The following VSNL1 variants were observed in gnomAD, a reference collection of about 807,000 sequenced individuals.
VSNL1 encodes visinin-like protein 1.
In VSNL1, 6 loss-of-function variants were observed where a neutral mutation model predicts 20.4. That is an observed-to-expected ratio of 0.29 (90% CI 0.16 to 0.58). The LOEUF (loss-of-function observed/expected upper bound fraction) is 0.58. Among genes scored for constraint, VSNL1 ranks in the 20% least tolerant of loss-of-function variants. VSNL1 has a pLI of 0.90. For synonymous variants in VSNL1, 93 were observed against 86.4 expected, an observed-to-expected ratio of 1.08 and a Z score of -0.42; for missense variants, 100 against 234.5, an observed-to-expected ratio of 0.43 and a Z score of 3.75.
rs190868613 is a variant in VSNL1, at chr2:17,642,554, C to T, written c.163-6856C>T. Reference sequence around the variant, plus strand: ...CGATCTCTTGACCTTGTGATCTGCCCGCCTCAGCCTCCCAAAGTGCTGGGA... The same window carrying T: ...CGATCTCTTGACCTTGTGATCTGCCTGCCTCAGCCTCCCAAAGTGCTGGGA... On this transcript the variant is annotated intron_variant, in intron 2 of 3. Transcript: ENST00000295156. Among the ~76,000 whole-genome samples, 137 of 152,138 alleles carry T rather than the reference C, an allele frequency of 9.0e-4. 3 individuals carry two copies. In the East Asian group the frequency reaches 0.024, roughly 26 times the overall value.
At chr2:17,615,462 A>G (rs1451478522) in intron 2 of VSNL1, among the ~76,000 whole-genome samples, 1 of 152,230 alleles carries the variant, frequency 6.6e-6, no homozygotes, top group Non-Finnish European at 1.5e-5. Context: ...TGTAAAACTA[A>G]ATTCTAAAGA....
intron 1 of VSNL1, among the ~76,000 whole-genome samples, chr2:17,566,869 T>TG (rs1663958985): frequency 6.6e-6 from 1 of 152,190 alleles, no homozygotes; most frequent in African/African-American, 2.4e-5. Context: ...ACAGTTTTAT[T>TG]GAATATATTT....
chr2:17,597,995 C>T (rs552475867), intron 2 of VSNL1, among the ~76,000 whole-genome samples: 1 of 152,058 alleles, frequency 6.6e-6, no homozygotes, highest in Non-Finnish European at 1.5e-5. Flanking sequence ...GATACAACTA[C>T]CCAGGAATAT....
chr2:17,575,159 C>CT (rs1464906738), intron 1 of VSNL1, among the ~76,000 whole-genome samples: 7 of 152,134 alleles, frequency 4.6e-5, no homozygotes, highest in African/African-American at 1.7e-4. Flanking sequence ...TGGCCAAGAG[C>CT]TGAACCTCTT....
chr2:17,599,625 T>C (rs1372649556), intron 2 of VSNL1, among the ~76,000 whole-genome samples: 2 of 152,226 alleles, frequency 1.3e-5, no homozygotes, highest in East Asian at 3.9e-4. Context: ...CTCTCTCTCT[T>C]GTCTTCTTTA....
chr2:17,625,034 G>C (rs1187321628), intron 2 of VSNL1, among the ~76,000 whole-genome samples: 1 of 152,116 alleles, frequency 6.6e-6, no homozygotes, highest in Non-Finnish European at 1.5e-5. Flanking sequence ...CTGAATCATG[G>C]GGGCAGTCTC....
intron 2 of VSNL1, among the ~76,000 whole-genome samples, chr2:17,599,017 T>G (rs1664772008): frequency 6.6e-6 from 1 of 152,242 alleles, no homozygotes; most frequent in African/African-American, 2.4e-5. Context: ...TCCAGTGGGA[T>G]AAAACGCAGC....
At chr2:17,626,469 G>C (rs539800337) in intron 2 of VSNL1, among the ~76,000 whole-genome samples, 10 of 152,144 alleles carry the variant, frequency 6.6e-5, no homozygotes, top group African/African-American at 1.4e-4. Flanking sequence ...AGTCCTAAGC[G>C]ACAGCCAGTC....
Position 17,649,636 on chromosome 2 carries a change from G to C in VSNL1, c.378+11G>C. The C allele has an allele frequency of 6.2e-7, 1 of 1,613,708 alleles. No individual in the cohort carries two copies. The highest frequency in any genetic ancestry group is 8.5e-7 in the Non-Finnish European group (1 of 1,179,870). ...CTGGAGATCATCGAGGTGAGGCCCGGGGTGTGGTTGGCGGGTGGTGGGCAC... is the reference window on the plus strand; with the variant it reads ...CTGGAGATCATCGAGGTGAGGCCCGCGGTGTGGTTGGCGGGTGGTGGGCAC... On this transcript the variant is annotated intron_variant, in intron 3 of 3. Coordinates refer to ENST00000295156, the MANE Select transcript of VSNL1 (RefSeq NM_003385.5). This position sits in a 1 kb window ranked among gnomAD's most constrained non-coding sequence, Gnocchi z 6.4.
chr2:17,547,133 T>C (rs1338858303), intron 1 of VSNL1, among the ~76,000 whole-genome samples: 13 of 152,004 alleles, frequency 8.6e-5, no homozygotes, highest in Admixed American at 7.9e-4. Context: ...TATAAAGTTC[T>C]TCAGCTAGGT....
intron 2 of VSNL1, among the ~76,000 whole-genome samples, chr2:17,626,338 C>T (rs1665508459): frequency 6.6e-6 from 1 of 152,184 alleles, no homozygotes; most frequent in Admixed American, 6.5e-5. Flanking sequence ...GGGCCTGAGC[C>T]AACTACAGGC....
chr2:17,638,783 G>A (rs1221037396), intron 2 of VSNL1, among the ~76,000 whole-genome samples: 3 of 152,200 alleles, frequency 2.0e-5, no homozygotes, highest in Admixed American at 1.3e-4. Flanking sequence ...CAAGAATCAG[G>A]TCACATTAGC....
chr2:17,571,495 G>T (rs1034261722), intron 1 of VSNL1, among the ~76,000 whole-genome samples: 1 of 152,068 alleles, frequency 6.6e-6, no homozygotes, highest in Non-Finnish European at 1.5e-5. Context: ...ATTAATATAT[G>T]AAATGAACAC....
At chr2:17,643,831 C>CACACAGCATG (rs1558310460) in intron 2 of VSNL1, among the ~76,000 whole-genome samples, 2 of 152,142 alleles carry the variant, frequency 1.3e-5, no homozygotes, top group African/African-American at 4.8e-5. Flanking sequence ...AGCAGCAGCA[C>CACACAGCATG]GGCAATGGTC....
chr2:17,588,182 C>T (rs1055681695), intron 1 of VSNL1, among the ~76,000 whole-genome samples: 5 of 152,174 alleles, frequency 3.3e-5, no homozygotes, highest in Admixed American at 1.3e-4. Flanking sequence ...CTCCCTTCTT[C>T]GGTAATAAAC....
intron 2 of VSNL1, among the ~76,000 whole-genome samples, chr2:17,614,317 G>A (rs1665163829): frequency 6.6e-6 from 1 of 152,270 alleles, no homozygotes; most frequent in South Asian, 2.1e-4. Context: ...ACAATGTTCA[G>A]CAAATTACAC....
intron 1 of VSNL1, among the ~76,000 whole-genome samples, chr2:17,570,444 A>G (rs1171128734): frequency 1.3e-5 from 2 of 152,206 alleles, no homozygotes; most frequent in Non-Finnish European, 2.9e-5. Context: ...AAATTTAAAT[A>G]TTAAATCTAT....
chr2:17,585,695 TC>T (rs1449013687), intron 1 of VSNL1, among the ~76,000 whole-genome samples: 1 of 152,030 alleles, frequency 6.6e-6, no homozygotes, highest in Non-Finnish European at 1.5e-5. Flanking sequence ...TTCATCACCT[TC>T]CTGAGCCTCA....
At chr2:17,543,100 A>G (rs1663327101) in intron 1 of VSNL1, among the ~76,000 whole-genome samples, 1 of 152,138 alleles carries the variant, frequency 6.6e-6, no homozygotes, top group Non-Finnish European at 1.5e-5. Context: ...TCCCTTTTAT[A>G]CCACCTCATT....
Sources: gnomAD v4.1 joint callset for allele counts (sites outside exome capture counted in the v4.1 genomes callset) on GRCh38, gnomAD v4.1.1 for gene constraint, Gnocchi (gnomAD v3.1) non-coding constraint, MANE v1.5 for transcripts, NCBI Gene and HGNC (gene_info 2026-07-23, HGNC 2026-07-21) for gene names.